CCZ1: variants seen among roughly 807,000 people sequenced by gnomAD.
The protein encoded by CCZ1 is vacuolar fusion protein CCZ1 homolog.
A neutral mutation model predicts 57.8 loss-of-function variants in CCZ1; 19 were observed. The observed-to-expected ratio is 0.33, with a 90% CI of 0.23 to 0.48. CCZ1 has a LOEUF of 0.48. CCZ1 is among the 20% of genes least tolerant of loss of function. CCZ1 has a pLI of 0.99. For synonymous variants in CCZ1, 81 were observed against 167.0 expected (o/e 0.49, Z 3.97); for missense variants, 200 against 492.0 (o/e 0.41, Z 5.61).
intron 8 of CCZ1, among the ~76,000 whole-genome samples, chr7:5,910,435 C>G (rs1351477449): frequency 1.3e-5 from 2 of 149,042 alleles, no homozygotes; most frequent in African/African-American, 5.0e-5. Flanking sequence ...AAGCAATTCT[C>G]CTTGCCTCGG....
chr7:5,920,954 T>G (rs1335998386), intron 12 of CCZ1, among the ~76,000 whole-genome samples: 2 of 87,226 alleles, frequency 2.3e-5, no homozygotes, highest in South Asian at 3.4e-4. Flanking sequence ...TTTTTGGGTT[T>G]TTTTTTTTTT....
At chr7:5,920,212 AT>A (rs1225160884) in intron 12 of CCZ1, among the ~76,000 whole-genome samples, 1 of 121,562 alleles carries the variant, frequency 8.2e-6, no homozygotes, top group African/African-American at 3.1e-5. Flanking sequence ...CTCCCCCCGA[AT>A]GGAACGTCCC....
chr7:5,905,523 C>T (rs1227108557), intron 7 of CCZ1, among the ~76,000 whole-genome samples: 1 of 146,480 alleles, frequency 6.8e-6, no homozygotes, highest in Non-Finnish European at 1.5e-5. Flanking sequence ...GTGGCTCACA[C>T]CTGTAATCTT....
chr7:5,903,219 C>G (rs1182444364), intron 6 of CCZ1, among the ~76,000 whole-genome samples: 1 of 147,632 alleles, frequency 6.8e-6, no homozygotes, highest in Non-Finnish European at 1.5e-5. Context: ...GAGATTTGTT[C>G]CAAGTGCTGT....
At chr7:5,900,791 T>A in intron 3 of CCZ1, 64 bp from the exon 4 acceptor site, 1 of 1,566,406 alleles carries the variant, frequency 6.4e-7, no homozygotes, top group South Asian at 1.2e-5. Context: ...AGTTTTTAAA[T>A]TAAGGCAAAA....
chr7:5,923,638 CG>C, intron 13 of CCZ1, 93 bp downstream of exon 13: 1 of 308,590 alleles, frequency 3.2e-6, no homozygotes, highest in South Asian at 2.3e-5. Flanking sequence ...GGGGTTCAAG[CG>C]TGAACCACCT....
intron 8 of CCZ1, among the ~76,000 whole-genome samples, chr7:5,910,750 A>G (rs1781955766): frequency 7.0e-6 from 1 of 142,752 alleles, no homozygotes; most frequent in Non-Finnish European, 1.5e-5. Context: ...TTATTTATTT[A>G]TTGGGACAGA....
intron 1 of CCZ1, among the ~76,000 whole-genome samples, chr7:5,899,720 A>G (rs574853490): frequency 7.3e-5 from 11 of 151,010 alleles, no homozygotes; most frequent in African/African-American, 2.7e-4. Context: ...GTGAGCTGTA[A>G]TAGCGCCACT....
intron 5 of CCZ1, chr7:5,902,131 A>G (rs1781697269): frequency 5.7e-6 from 1 of 176,934 alleles, no homozygotes; most frequent in Admixed American, 5.9e-5. Context: ...CCATCTCTAC[A>G]AAAAATTTTT....
chr7:5,914,091 C>T (rs934196889), intron 10 of CCZ1, among the ~76,000 whole-genome samples: 4 of 146,734 alleles, frequency 2.7e-5, no homozygotes, highest in Non-Finnish European at 4.5e-5. Context: ...AACATGATTC[C>T]GAGGACAGAC....
At position 5,908,665 on chromosome 7, in the gene CCZ1, C is replaced by T. The variant is rs1025488536; in HGVS notation, c.699-1370C>T. Among the ~76,000 whole-genome samples the T allele has an allele frequency of 1.1e-3, 157 of 147,422 alleles. 4 individuals are homozygous for T. Among genetic ancestry groups the T allele is most frequent in the Non-Finnish European group, 1.9e-3 (129 of 67,294 alleles). Reference sequence around the variant, plus strand: ...CAAGTGCTGGGATTACAGGTGTGAGCTTCCGCGCCCGACCACCTTCACGGT... The same window carrying T: ...CAAGTGCTGGGATTACAGGTGTGAGTTTCCGCGCCCGACCACCTTCACGGT... On this transcript the variant is annotated intron_variant, in intron 7 of 14. Transcript: ENST00000325974.
intron 4 of CCZ1, 38 bp downstream of exon 4, chr7:5,900,970 A>G (rs1167970548): frequency 1.7e-6 from 2 of 1,199,448 alleles, no homozygotes; most frequent in South Asian, 1.6e-5. Flanking sequence ...TTATTTTTTT[A>G]AATGTATTGC....
intron 12 of CCZ1, among the ~76,000 whole-genome samples, chr7:5,923,041 G>A (rs1219491525): frequency 5.8e-5 from 8 of 137,560 alleles, no homozygotes; most frequent in South Asian, 2.2e-4. Flanking sequence ...GGCCAGGGCC[G>A]GGCGCGGGGG....
At chr7:5,912,068 C>G in intron 9 of CCZ1, 146 bp downstream of exon 9, 3 of 1,539,284 alleles carry the variant, frequency 1.9e-6, no homozygotes, top group Middle Eastern at 1.8e-4. Context: ...GACTGTCATG[C>G]CTCAGCCTCC....
intron 10 of CCZ1, among the ~76,000 whole-genome samples, 173 bp downstream of exon 10, chr7:5,913,127 AGCTC>A (rs1779074453): frequency 6.8e-6 from 1 of 147,880 alleles, no homozygotes. Context: ...GTTTATTTTC[AGCTC>A]CTTTTAAACA....
intron 6 of CCZ1, among the ~76,000 whole-genome samples, chr7:5,903,314 A>G (rs1324475122): frequency 1.4e-5 from 2 of 142,524 alleles, no homozygotes; most frequent in Non-Finnish European, 3.0e-5. Context: ...AAACAAAGAG[A>G]CAGGGTCTTG....
rs1401288009 is a variant in CCZ1 at position 5,920,644 on chromosome 7, G to T, written c.1106+678G>T. On this transcript the variant is annotated intron_variant, in intron 12 of 14. Transcript: ENST00000325974. ...GCACCACCATGCCCGGCTCCTTTTT[G>T]TATTTTTAGTAGAGACGGGGTTTCA... Among the ~76,000 whole-genome samples, 74 of 140,960 alleles carry T rather than the reference G, an allele frequency of 5.2e-4. 2 individuals are homozygous for T. The highest frequency in any genetic ancestry group is 1.8e-3 in the African/African-American group (71 of 38,522). The allele number at this position is 140,960 out of a possible 152,430, so 92.5% of individuals were successfully genotyped here.
intron 1 of CCZ1, among the ~76,000 whole-genome samples, chr7:5,899,332 GGGGTGTGTGTGTGTGTGTGTGTGT>G (rs1781626029): frequency 7.8e-6 from 1 of 128,914 alleles, no homozygotes; most frequent in African/African-American, 2.7e-5. Context: ...TTTCGGGAGG[GGGGTGTGTGTGTGTGTGTGTGTGT>G]GTGTGTGTGT....
At chr7:5,910,951 G>C (rs1781963116) in intron 8 of CCZ1, among the ~76,000 whole-genome samples, 1 of 147,190 alleles carries the variant, frequency 6.8e-6, no homozygotes, top group South Asian at 2.3e-4. Flanking sequence ...GGCCAGGCTG[G>C]TCTCGAACTC....
Sources: gnomAD v4.1 joint callset for allele counts (sites outside exome capture counted in the v4.1 genomes callset) on GRCh38, gnomAD v4.1.1 for gene constraint, MANE v1.5 for transcripts, NCBI Gene and HGNC (gene_info 2026-07-23, HGNC 2026-07-21) for gene names.